Variants in CDH12 observed in about 807,000 individuals in gnomAD.
CDH12 encodes cadherin-12.
In CDH12, 41 loss-of-function variants were observed where a neutral mutation model predicts 74.1. That is an observed-to-expected ratio of 0.55 (90% CI 0.43 to 0.72). The LOEUF (loss-of-function observed/expected upper bound fraction) is 0.72, where lower values mean the gene tolerates loss of function less well. Ranked by LOEUF, CDH12 falls within the 30% of genes least tolerant of loss-of-function variation. The probability of loss-of-function intolerance (pLI) is 0.00; values close to 1 mark genes in which losing one functional copy is unlikely to be tolerated. For synonymous variants in CDH12, 399 were observed against 355.0 expected (o/e 1.12, Z -1.39); for missense variants, 945 against 977.2 (o/e 0.97, Z 0.44).
intron 1 of CDH12, among the ~76,000 whole-genome samples, chr5:22,577,978 C>A (rs532236181): frequency 1.4e-4 from 21 of 152,252 alleles, no homozygotes; most frequent in African/African-American, 5.1e-4. Flanking sequence ...CAGGCATCAC[C>A]AGAGACATAA....
chr5:21,831,472 C>A (rs1411955039), intron 8 of CDH12, among the ~76,000 whole-genome samples: 2 of 152,164 alleles, frequency 1.3e-5, no homozygotes, highest in African/African-American at 4.8e-5. Flanking sequence ...GCTTTTCTCT[C>A]TATAATGATC....
intron 1 of CDH12, among the ~76,000 whole-genome samples, chr5:22,523,765 T>C (rs1347681932): frequency 6.6e-6 from 1 of 152,072 alleles, no homozygotes; most frequent in East Asian, 1.9e-4. Context: ...TCCCAGACTA[T>C]TTAATTATTT....
intron 1 of CDH12, among the ~76,000 whole-genome samples, chr5:22,635,419 G>A (rs1392429891): frequency 4.6e-5 from 7 of 152,084 alleles, no homozygotes; most frequent in African/African-American, 7.2e-5. Flanking sequence ...AAATCTCTGT[G>A]AGCCTGAATT....
chr5:22,264,118 T>C (rs1753622574), intron 3 of CDH12, among the ~76,000 whole-genome samples: 1 of 151,786 alleles, frequency 6.6e-6, no homozygotes, highest in Non-Finnish European at 1.5e-5. Context: ...TTACTGTTTT[T>C]ATATTATTTC....
intron 3 of CDH12, among the ~76,000 whole-genome samples, chr5:22,224,829 T>A (rs1320434728): frequency 6.6e-6 from 1 of 151,854 alleles, no homozygotes; most frequent in Non-Finnish European, 1.5e-5. Flanking sequence ...CACATAAAAA[T>A]TATTATAACA....
chr5:21,760,775 A>G, intron 12 of CDH12, 100 bp from the exon 13 acceptor site: 1 of 749,894 alleles, frequency 1.3e-6, no homozygotes, highest in Non-Finnish European at 2.4e-6. Flanking sequence ...GTAGACAGAA[A>G]TGGCACTTTT....
intron 4 of CDH12, among the ~76,000 whole-genome samples, chr5:22,167,896 C>T (rs1201016955): frequency 6.6e-6 from 1 of 152,088 alleles, no homozygotes; most frequent in Non-Finnish European, 1.5e-5. Flanking sequence ...CCTTTACTTT[C>T]TCAATCATCT....
At chr5:22,126,117 T>C (rs970411293) in intron 4 of CDH12, among the ~76,000 whole-genome samples, 5 of 152,138 alleles carry the variant, frequency 3.3e-5, no homozygotes. Flanking sequence ...AGGAGTAAAC[T>C]ATTATAGACC....
chr5:22,206,223 G>A lies in CDH12; in HGVS notation c.-187+6275C>T, dbSNP rs909379581. On this transcript the variant is annotated intron_variant, in intron 4 of 14. Coordinates refer to ENST00000382254, the MANE Select transcript of CDH12 (RefSeq NM_004061.5). ...ATGAGAGCAGCATTTCTCATCACCA[G>A]TAGCATCAACCTCTCTGGCAGGTTG... 2.6e-5 allele frequency among the ~76,000 whole-genome samples: 4 copies of A among 152,200 alleles called. No homozygotes were observed. The East Asian group carries it at 7.8e-4, about 30-fold the overall frequency.
chr5:21,943,450 C>A (rs1412537664), intron 6 of CDH12, among the ~76,000 whole-genome samples: 1 of 151,930 alleles, frequency 6.6e-6, no homozygotes, highest in Non-Finnish European at 1.5e-5. Context: ...TGTAGGACTT[C>A]TCTTCAATAT....
chr5:21,768,111 T>C (rs1176683284), intron 11 of CDH12, among the ~76,000 whole-genome samples: 1 of 151,812 alleles, frequency 6.6e-6, no homozygotes, highest in Non-Finnish European at 1.5e-5. Flanking sequence ...GAAGGAAATT[T>C]AATTATGAAC....
At chr5:22,655,414 G>A (rs1306045303) in intron 1 of CDH12, among the ~76,000 whole-genome samples, 2 of 152,010 alleles carry the variant, frequency 1.3e-5, no homozygotes, top group African/African-American at 4.8e-5. Context: ...ACTTAGCATA[G>A]CACTCAAAAT....
At position 22,424,139 on chromosome 5, in the gene CDH12, A is replaced by T. The variant is rs549926792; in HGVS notation, c.-427-18788T>A. Among the ~76,000 whole-genome samples the T allele has an allele frequency of 9.9e-5, 15 of 151,898 alleles. No individual in the cohort carries two copies. In the South Asian group the frequency reaches 3.1e-3, roughly 32 times the overall value. ...AAATTTAAATTTAAATGTCCAGAGC[A>T]CCAGATGTGGTAGGCTGTACAATTC... On this transcript the variant is annotated intron_variant, in intron 2 of 14. Coordinates refer to ENST00000382254, the MANE Select transcript of CDH12 (RefSeq NM_004061.5).
At chr5:21,773,368 A>C (rs1343091484) in intron 11 of CDH12, among the ~76,000 whole-genome samples, 1 of 152,160 alleles carries the variant, frequency 6.6e-6, no homozygotes, top group Non-Finnish European at 1.5e-5. Context: ...CCTCCATCTA[A>C]TCAACTGCCA....
chr5:22,641,858 G>A (rs1420714783), intron 1 of CDH12, among the ~76,000 whole-genome samples: 1 of 152,094 alleles, frequency 6.6e-6, no homozygotes, highest in Non-Finnish European at 1.5e-5. Flanking sequence ...CTAGTGTCTT[G>A]AATAATGCCT....
chr5:22,480,416 CTACAAAAAA>C (rs1439629556), intron 2 of CDH12, among the ~76,000 whole-genome samples: 1 of 151,466 alleles, frequency 6.6e-6, no homozygotes, highest in Non-Finnish European at 1.5e-5. Flanking sequence ...AACTTTGTCT[CTACAAAAAA>C]TACAAAAAAT....
chr5:22,690,367 G>A (rs1742021335), intron 1 of CDH12, among the ~76,000 whole-genome samples: 2 of 152,132 alleles, frequency 1.3e-5, no homozygotes, highest in East Asian at 3.9e-4. Flanking sequence ...ATTTTTAATG[G>A]CCATCCAAGT....
At chr5:22,324,970 A>G (rs1023927289) in intron 3 of CDH12, among the ~76,000 whole-genome samples, 1 of 152,218 alleles carries the variant, frequency 6.6e-6, no homozygotes, top group African/African-American at 2.4e-5. Flanking sequence ...CTGACTTAAA[A>G]TACCCTATAC....
chr5:22,486,198 T>C (rs1301749047), intron 2 of CDH12, among the ~76,000 whole-genome samples: 1 of 152,184 alleles, frequency 6.6e-6, no homozygotes, highest in Non-Finnish European at 1.5e-5. Context: ...CTTTCTCCTC[T>C]GAAACATAGT....
Sources: gnomAD v4.1 joint callset for allele counts (sites outside exome capture counted in the v4.1 genomes callset) on GRCh38, gnomAD v4.1.1 for gene constraint, MANE v1.5 for transcripts, NCBI Gene and HGNC (gene_info 2026-07-23, HGNC 2026-07-21) for gene names.